The following PRRC2B variants were observed in gnomAD, a reference collection of about 807,000 sequenced individuals.
PRRC2B encodes the protein protein PRRC2B.
In PRRC2B, 68 loss-of-function variants were observed where a neutral mutation model predicts 242.3. The ratio of observed to expected loss-of-function variants is 0.28; its 90% CI spans 0.23 to 0.34. The LOEUF (loss-of-function observed/expected upper bound fraction) is 0.34, where lower values mean the gene tolerates loss of function less well. PRRC2B is among the 10% of genes least tolerant of loss of function. The probability of loss-of-function intolerance (pLI) is 1.00; values close to 1 mark genes in which losing one functional copy is unlikely to be tolerated. For missense variants in PRRC2B, 2,835 were observed against 2,954.8 expected (o/e 0.96, Z 0.94); for synonymous variants, 1,228 against 1,173.6 (o/e 1.05, Z -0.95).
intron 11 of PRRC2B, among the ~76,000 whole-genome samples, chr9:131,459,617 C>G (rs542738219): frequency 5.7e-4 from 86 of 151,950 alleles, no homozygotes; most frequent in African/African-American, 1.9e-3. Flanking sequence ...AGGTCTTGCT[C>G]TATCCTTCAC....
chr9:131,477,659 C>A, intron 16 of PRRC2B, 85 bp from the exon 17 acceptor site: 1 of 810,726 alleles, frequency 1.2e-6, no homozygotes, highest in Non-Finnish European at 2.0e-6. Context: ...GATCAGGGTG[C>A]CGGGCTTGTG....
intron 14 of PRRC2B, 107 bp from the exon 15 acceptor site, chr9:131,473,401 C>A (rs1316033543): frequency 1.3e-6 from 1 of 787,882 alleles, no homozygotes; most frequent in Non-Finnish European, 2.0e-6. Context: ...GCTGTATCCA[C>A]ATGAAAGTCA....
Position 131,499,250 on chromosome 9 carries a change from A to AC in PRRC2B, c.*3377dup, listed in dbSNP as rs1327747199. 6.6e-6 allele frequency: 1 copy of AC among 152,214 alleles called. No individual in the cohort carries two copies. The highest frequency in any genetic ancestry group is 2.4e-5 in the African/African-American group (1 of 41,452). The allele number at this position is 152,214 out of a possible 1,614,324, so 9.4% of individuals were successfully genotyped here. A position where few individuals can be genotyped will look rare whatever the true frequency, so the allele number is the denominator to read the frequency against. ...GACAGCTTCTGGAAGCTGAGCACACACAGGTGCACAGCCATGCTGTGGTCT... is the reference window on the plus strand; with the variant it reads ...GACAGCTTCTGGAAGCTGAGCACACACCAGGTGCACAGCCATGCTGTGGTCT... On this transcript the variant is annotated 3_prime_UTR_variant, in exon 32 of 32. Coordinates refer to ENST00000683519, the MANE Select transcript of PRRC2B (RefSeq NM_013318.4).
intron 1 of PRRC2B, among the ~76,000 whole-genome samples, chr9:131,374,794 T>C (rs1037566859): frequency 6.6e-6 from 1 of 152,144 alleles, no homozygotes; most frequent in African/African-American, 2.4e-5. Flanking sequence ...TCCAAAGTGC[T>C]GGAATTACAG....
intron 1 of PRRC2B, among the ~76,000 whole-genome samples, chr9:131,394,946 G>A (rs1371835563): frequency 8.7e-6 from 1 of 114,780 alleles, no homozygotes; most frequent in African/African-American, 3.2e-5. Context: ...GCCACTCGGG[G>A]CCTGCCAGAT....
At chr9:131,418,381 A>C (rs947760620) in intron 1 of PRRC2B, among the ~76,000 whole-genome samples, 2 of 152,130 alleles carry the variant, frequency 1.3e-5, no homozygotes, top group African/African-American at 2.4e-5. Flanking sequence ...GTTTACCTAG[A>C]GGTTAGGTGG....
chr9:131,436,482 T>G, intron 3 of PRRC2B, 138 bp from the exon 4 acceptor site: 2 of 599,514 alleles, frequency 3.3e-6, no homozygotes, highest in Non-Finnish European at 2.9e-6. Flanking sequence ...AAGAATCTAC[T>G]GGGGAAAGTC....
chr9:131,469,080 C>T (rs1943471589), intron 13 of PRRC2B, among the ~76,000 whole-genome samples: 1 of 152,174 alleles, frequency 6.6e-6, no homozygotes, highest in African/African-American at 2.4e-5. Flanking sequence ...TGGCTCACGC[C>T]TGTAATCCCA....
chr9:131,379,331 A>G (rs756783142), intron 1 of PRRC2B, among the ~76,000 whole-genome samples: 13 of 152,328 alleles, frequency 8.5e-5, no homozygotes, highest in Non-Finnish European at 1.8e-4. Context: ...TCTGGGTCAT[A>G]TGAGAATTCT....
chr9:131,403,052 C>A (rs1293839414), intron 1 of PRRC2B, among the ~76,000 whole-genome samples: 1 of 152,236 alleles, frequency 6.6e-6, no homozygotes, highest in Non-Finnish European at 1.5e-5. Context: ...GGACTCTTTC[C>A]ATGGGTCCTT....
intron 5 of PRRC2B, among the ~76,000 whole-genome samples, chr9:131,442,874 A>G (rs1838646641): frequency 6.6e-6 from 1 of 152,214 alleles, no homozygotes; most frequent in South Asian, 2.1e-4. Flanking sequence ...AGGGAACAAC[A>G]TTAGGAAAGG....
rs777220394 is a variant in PRRC2B at position 131,474,892 on chromosome 9, G to C, written c.2763G>C (p.Glu921Asp). 8 of 1,595,232 alleles carry C rather than the reference G, an allele frequency of 5.0e-6. No homozygotes were observed. The East Asian group carries it at 1.8e-4, about 36-fold the overall frequency. ...CCTCGGAGCCTGAATGGACTCCCGA[G>C]CCCCGGAGCTCCAGCAGCCAGCACC... ...QPSSEPEWTP[E>D]PRSSSSQHPE... is the part of the protein sequence containing the mutation. Residue 921 changes from glutamate to aspartate, a missense_variant, in exon 16 of 32, where the codon GAG becomes GAC. By Grantham distance (45) the Glu-to-Asp change is conservative. Around this residue, in one of 7 missense-constraint regions of PRRC2B, gnomAD observed 1,536 missense variants for 1,483.1 expected, o/e 1.04. Coordinates refer to ENST00000683519, the MANE Select transcript of PRRC2B (RefSeq NM_013318.4).
At chr9:131,391,309 T>A (rs558225826), upstream of PRRC2B, among the ~76,000 whole-genome samples, 49 of 152,292 alleles carry the variant, frequency 3.2e-4, no homozygotes, top group Non-Finnish European at 4.9e-4. Context: ...CCTGCATTTC[T>A]GGGCGTGAGG....
At position 131,465,098 on chromosome 9, in the gene PRRC2B, C is replaced by T. The variant is rs1943353893; in HGVS notation, c.1720+20C>T. 1 of 1,584,874 alleles carries T rather than the reference C, an allele frequency of 6.3e-7. No homozygotes were observed. The highest frequency in any genetic ancestry group is 8.6e-7 in the Non-Finnish European group (1 of 1,163,692). ...ACAAAGGTAAGAGCTGGGCCGTCTT[C>T]CCACCAACTGGAAACCCTGGCCTGT... On this transcript the variant is annotated intron_variant, in intron 12 of 31. Coordinates refer to ENST00000683519, the MANE Select transcript of PRRC2B (RefSeq NM_013318.4).
At position 131,386,667 on chromosome 9, in the gene PRRC2B, G is replaced by T. The variant is rs116582488; in HGVS notation, c.-56+12936G>T. On this transcript the variant is annotated intron_variant, in intron 1 of 1. Transcript: ENST00000682525. ...GGTCCCTTCTGTTGTAGCCAATGAGGTCAAGGGCCAGACACCCATTCTGCC... is the reference window on the plus strand; with the variant it reads ...GGTCCCTTCTGTTGTAGCCAATGAGTTCAAGGGCCAGACACCCATTCTGCC... Among the ~76,000 whole-genome samples the T allele has an allele frequency of 2.2e-3, 337 of 150,088 alleles. 5 individuals carry two copies. The highest frequency in any genetic ancestry group is 7.8e-3 in the African/African-American group (323 of 41,258).
rs376585454 is a variant in PRRC2B at position 131,444,474 on chromosome 9, C to T, written c.613+146C>T. On this transcript the variant is annotated intron_variant, in intron 6 of 31. Transcript: ENST00000683519. The stretch of plus-strand genomic sequence containing the variant: ...TCTTTGACTCGCCACGTGATCTGTG[C>T]ATCCATTGGACTTGCTGCCTAGGCC... The T allele has an allele frequency of 6.6e-6, 6 of 902,818 alleles. No homozygotes were observed. The South Asian group carries it at 6.9e-5, about 10-fold the overall frequency. 55.9% of individuals were successfully genotyped at this position (902,818 alleles called of 1,614,324 possible).
intron 23 of PRRC2B, among the ~76,000 whole-genome samples, chr9:131,484,314 T>C (rs999876841): frequency 2.6e-5 from 4 of 152,144 alleles, no homozygotes; most frequent in African/African-American, 9.7e-5. Context: ...CCAGTCCATA[T>C]TTATACTGCC....
Position 131,476,227 on chromosome 9 carries a change from C to T in PRRC2B, c.4098C>T (p.Ser1366=). 4 of 1,613,286 alleles carry T rather than the reference C, an allele frequency of 2.5e-6. No individual in the cohort carries two copies. Among genetic ancestry groups the T allele is most frequent in the Non-Finnish European group, 3.4e-6 (4 of 1,179,696 alleles). ...RRSPELSYQN[S]SDHANEEWET... ...CCCCTGAGCTCTCCTACCAGAACTC[C>T]TCCGATCACGCCAATGAGGAGTGGG... is the stretch of plus-strand genomic sequence containing the variant. Residue 1366 remains serine (S), a synonymous_variant, in exon 16 of 32, where the codon TCC becomes TCT. Coordinates refer to ENST00000683519, the MANE Select transcript of PRRC2B (RefSeq NM_013318.4).
chr9:131,485,649 A>G (rs1588280642), intron 25 of PRRC2B: 2 of 535,074 alleles, frequency 3.7e-6, no homozygotes, highest in African/African-American at 1.9e-5. Context: ...GGGGGTTTTG[A>G]GGGCCCAGCT....
Sources: gnomAD v4.1 joint callset for allele counts (sites outside exome capture counted in the v4.1 genomes callset) on GRCh38, gnomAD v4.1.1 for gene constraint, gnomAD v4.1.1 regional missense constraint, MANE v1.5 for transcripts, NCBI Gene and HGNC (gene_info 2026-07-23, HGNC 2026-07-21) for gene names.